Variants in ERBB4 observed in about 807,000 individuals in gnomAD.
ERBB4 encodes erb-b2 receptor tyrosine kinase 4.
ERBB4 carries 42 observed loss-of-function variants against 158.0 expected under a neutral mutation model. The ratio of observed to expected loss-of-function variants is 0.27; its 90% confidence interval spans 0.21 to 0.34. The LOEUF is 0.34. Ranked by LOEUF, ERBB4 falls within the 10% of genes least tolerant of loss-of-function variation. The pLI is 1.00. For synonymous variants in ERBB4, 583 were observed against 558.7 expected, an observed-to-expected ratio of 1.04 and a Z score of -0.61; for missense variants, 1,333 against 1,624.1, an observed-to-expected ratio of 0.82 and a Z score of 3.08.
intron 2 of ERBB4, among the ~76,000 whole-genome samples, chr2:212,049,471 G>A (rs920390249): frequency 2.0e-5 from 3 of 151,918 alleles, no homozygotes; most frequent in African/African-American, 2.4e-5. Flanking sequence ...GTTATGAGTC[G>A]GGAGACTAGA....
At chr2:212,149,405 G>A (rs1159672315) in intron 1 of ERBB4, among the ~76,000 whole-genome samples, 6 of 151,892 alleles carry the variant, frequency 4.0e-5, no homozygotes, top group Non-Finnish European at 8.8e-5. Flanking sequence ...AAAATAAAAT[G>A]GGTTATAAAG....
At chr2:211,933,209 C>T (rs944402858) in intron 3 of ERBB4, among the ~76,000 whole-genome samples, 2 of 152,146 alleles carry the variant, frequency 1.3e-5, no homozygotes, top group South Asian at 2.1e-4. Context: ...TTTATCATTA[C>T]GACATGCAAT....
intron 1 of ERBB4, among the ~76,000 whole-genome samples, chr2:212,453,620 C>T (rs1057392234): frequency 1.3e-5 from 2 of 152,148 alleles, no homozygotes; most frequent in Non-Finnish European, 2.9e-5. Flanking sequence ...CTTTGTATAG[C>T]AAACGAGGTA....
intron 1 of ERBB4, among the ~76,000 whole-genome samples, chr2:212,273,114 T>G (rs2085403073): frequency 6.6e-6 from 1 of 151,706 alleles, no homozygotes; most frequent in Admixed American, 6.6e-5. Context: ...CATTCTTTCT[T>G]TCACCATTTC....
chr2:212,052,256 C>A (rs1178075251), intron 2 of ERBB4, among the ~76,000 whole-genome samples: 1 of 152,172 alleles, frequency 6.6e-6, no homozygotes, highest in Non-Finnish European at 1.5e-5. Context: ...AGCTTCTGGA[C>A]CCTTGGACAT....
At chr2:212,052,854 G>C (rs544712531) in intron 2 of ERBB4, among the ~76,000 whole-genome samples, 1 of 152,158 alleles carries the variant, frequency 6.6e-6, no homozygotes, top group African/African-American at 2.4e-5. Flanking sequence ...AATTTTAGTT[G>C]CTCAGAGAGG....
intron 20 of ERBB4, among the ~76,000 whole-genome samples, chr2:211,442,495 G>GT (rs1168584734): frequency 1.3e-4 from 20 of 152,132 alleles, no homozygotes; most frequent in African/African-American, 4.6e-4. Context: ...CTAAATCAAA[G>GT]TTTTTTTATG....
chr2:211,655,650 T>G (rs1193373779), intron 16 of ERBB4, among the ~76,000 whole-genome samples: 4 of 152,184 alleles, frequency 2.6e-5, no homozygotes, highest in Non-Finnish European at 4.4e-5. Context: ...ATGTGAAAAC[T>G]GTTCTAGCTG....
chr2:212,125,144 C>T, intron 1 of ERBB4: 1 of 502,998 alleles, frequency 2.0e-6, no homozygotes, highest in African/African-American at 1.9e-5. Context: ...AAATATATAG[C>T]AAGGAGATAA....
At chr2:212,029,818 G>A (rs780420280) in intron 2 of ERBB4, among the ~76,000 whole-genome samples, 3 of 152,060 alleles carry the variant, frequency 2.0e-5, no homozygotes, top group East Asian at 1.9e-4. Context: ...GGATAATACC[G>A]AGTGTGTAAT....
chr2:211,980,524 G>A (rs945626262), intron 2 of ERBB4, among the ~76,000 whole-genome samples: 1 of 152,036 alleles, frequency 6.6e-6, no homozygotes, highest in Non-Finnish European at 1.5e-5. Context: ...AAGGCTGTTT[G>A]TTTGTTTTAA....
At chr2:211,401,752 C>T (rs2125355456) in intron 25 of ERBB4, among the ~76,000 whole-genome samples, 1 of 152,066 alleles carries the variant, frequency 6.6e-6, no homozygotes, top group Non-Finnish European at 1.5e-5. Context: ...CAGAAAAGTG[C>T]TTAGATTGGC....
intron 20 of ERBB4, among the ~76,000 whole-genome samples, chr2:211,496,973 C>A (rs1002612497): frequency 2.0e-5 from 3 of 152,024 alleles, no homozygotes; most frequent in Non-Finnish European, 4.4e-5. Flanking sequence ...TTGTCTCCTA[C>A]CTCAAACATA....
rs113159196 is a variant in ERBB4, at chr2:212,286,903, G to A, written c.83-162000C>T. Among the ~76,000 whole-genome samples, 15 of 151,098 alleles carry A rather than the reference G, an allele frequency of 9.9e-5. 1 individual carries two copies. The highest frequency in any genetic ancestry group is 3.2e-4 in the African/African-American group (13 of 41,098). On this transcript the variant is annotated intron_variant, in intron 1 of 27. Transcript: ENST00000342788. ...TGGGATTACGGGCGTGAGCCACCGT[G>A]CACAGCCAGTGACTTCTTAATATAT...
Position 211,536,682 on chromosome 2 carries a change from G to C in ERBB4, c.2487+25221C>G, listed in dbSNP as rs140257272. ...AGAAGCAGGGGAGTGGGAAACCAAA[G>C]AGAAGCAAGTCATCGAAGAATGGGA... On this transcript the variant is annotated intron_variant, in intron 20 of 27. Coordinates refer to ENST00000342788, the MANE Select transcript of ERBB4 (RefSeq NM_005235.3). Among the ~76,000 whole-genome samples, 554 of 152,158 alleles carry C rather than the reference G, an allele frequency of 3.6e-3. 4 individuals carry two copies. Among genetic ancestry groups the C allele is most frequent in the African/African-American group, 0.012 (515 of 41,554 alleles).
intron 1 of ERBB4, among the ~76,000 whole-genome samples, chr2:212,405,808 A>G (rs2091329315): frequency 6.6e-6 from 1 of 152,120 alleles, no homozygotes; most frequent in South Asian, 2.1e-4. Flanking sequence ...CTTAAATTTC[A>G]GTTGTCTTTC....
intron 20 of ERBB4, among the ~76,000 whole-genome samples, chr2:211,464,054 C>G (rs920689320): frequency 6.6e-6 from 1 of 152,148 alleles, no homozygotes; most frequent in Non-Finnish European, 1.5e-5. Flanking sequence ...TCTCACATGT[C>G]ACTTTCTCCA....
At chr2:211,956,998 AT>A (rs2081053105) in intron 2 of ERBB4, among the ~76,000 whole-genome samples, 1 of 151,176 alleles carries the variant, frequency 6.6e-6, no homozygotes, top group Non-Finnish European at 1.5e-5. Context: ...CACCAACCTA[AT>A]TTTTTTTCCA....
At chr2:212,455,776 C>T (rs1688260037) in intron 1 of ERBB4, among the ~76,000 whole-genome samples, 1 of 151,976 alleles carries the variant, frequency 6.6e-6, no homozygotes, top group African/African-American at 2.4e-5. Flanking sequence ...ATAGGTAATA[C>T]ATTTCCATTT....
Sources: allele counts gnomAD v4.1 joint callset (sites outside exome capture counted in the v4.1 genomes callset), GRCh38; gene constraint gnomAD v4.1.1; transcripts MANE v1.5; gene names NCBI Gene and HGNC (gene_info 2026-07-23, HGNC 2026-07-21).